The following CDRT4 variants were observed in gnomAD, a reference collection of about 807,000 sequenced individuals.
CDRT4 encodes CMT1A duplicated region transcript 4, also known as CMT1A duplicated region transcript 4 protein.
For missense variants in CDRT4, 167 were observed against 193.1 expected (o/e 0.87, Z 0.80); for synonymous variants, 64 against 69.6 (o/e 0.92, Z 0.40).
intron 2 of CDRT4, among the ~76,000 whole-genome samples, chr17:15,446,493 G>A (rs1979033932): frequency 6.6e-6 from 1 of 151,990 alleles, no homozygotes; most frequent in Non-Finnish European, 1.5e-5. Flanking sequence ...GGGAAAGAAG[G>A]CATCTCTCTC....
At chr17:15,461,771 A>G (rs1036221206) in intron 1 of CDRT4, among the ~76,000 whole-genome samples, 1 of 152,204 alleles carries the variant, frequency 6.6e-6, no homozygotes, top group Non-Finnish European at 1.5e-5. Context: ...TAGGCTATAT[A>G]TAAATATAGG....
intron 2 of CDRT4, chr17:15,444,007 T>A: frequency 1.3e-6 from 1 of 777,652 alleles, no homozygotes; most frequent in Admixed American, 2.0e-5. Context: ...AGGGTTTGGA[T>A]GAGACCAAGT....
intron 1 of CDRT4, among the ~76,000 whole-genome samples, chr17:15,461,366 A>G (rs911688427): frequency 6.6e-6 from 1 of 152,224 alleles, no homozygotes; most frequent in South Asian, 2.1e-4. Flanking sequence ...GCGGGCTGCC[A>G]CAAGGACAGG....
intron 2 of CDRT4, among the ~76,000 whole-genome samples, chr17:15,444,503 G>A (rs1978926849): frequency 6.6e-6 from 1 of 152,112 alleles, no homozygotes; most frequent in Admixed American, 6.6e-5. Flanking sequence ...TGCTGTTCTA[G>A]AATCTAAAAC....
chr17:15,465,768 G>A (rs1199495703), intron 1 of CDRT4, among the ~76,000 whole-genome samples: 1 of 152,220 alleles, frequency 6.6e-6, no homozygotes, highest in Admixed American at 6.5e-5. Context: ...CTTCCAATAT[G>A]GCAGCCAAGG....
chr17:15,438,313 C>G, intron 3 of CDRT4, 113 bp from the exon 4 acceptor site: 1 of 938,048 alleles, frequency 1.1e-6, no homozygotes, highest in Non-Finnish European at 1.6e-6. Context: ...CTATTTTGCA[C>G]CCCTTGTATT....
intron 1 of CDRT4, 30 bp from the exon 2 acceptor site, chr17:15,453,115 T>C (rs1979335745): frequency 6.6e-6 from 1 of 152,224 alleles, no homozygotes; most frequent in South Asian, 2.1e-4. Context: ...GAAGGTTAAC[T>C]GGCAACATTT....
chr17:15,451,400 C>CTTCTCCAAA (rs1979256100), intron 2 of CDRT4, among the ~76,000 whole-genome samples: 1 of 152,164 alleles, frequency 6.6e-6, no homozygotes, highest in Non-Finnish European at 1.5e-5. Flanking sequence ...CCTACAACTC[C>CTTCTCCAAA]TTCTCCAAAG....
chr17:15,457,093 G>A lies in CDRT4; in HGVS notation c.-129-4008C>T, dbSNP rs1035955891. Among the ~76,000 whole-genome samples, 9 of 152,086 alleles carry A rather than the reference G, an allele frequency of 5.9e-5. No individual in the cohort carries two copies. In the East Asian group the frequency reaches 1.5e-3, roughly 26 times the overall value. On this transcript the variant is annotated intron_variant, in intron 1 of 3. Coordinates refer to ENST00000619038, the MANE Select transcript of CDRT4 (RefSeq NM_001204477.2). ...TCGCGCTACTTTGCCTCTGTACCTC[G>A]GTTTCCTCCTGGGTAAAAATGAGGA...
intron 2 of CDRT4, among the ~76,000 whole-genome samples, chr17:15,447,267 A>G (rs1979068283): frequency 6.6e-6 from 1 of 152,232 alleles, no homozygotes; most frequent in Non-Finnish European, 1.5e-5. Flanking sequence ...AGGAGCTCAC[A>G]GCCCCATGAG....
At chr17:15,458,561 G>A (rs1219336812) in intron 1 of CDRT4, among the ~76,000 whole-genome samples, 2 of 152,156 alleles carry the variant, frequency 1.3e-5, no homozygotes, top group Admixed American at 6.5e-5. Context: ...ATTGTGAAGA[G>A]GCCCAAGAAA....
At position 15,446,189 on chromosome 17, in the gene CDRT4, C is replaced by A. The variant is rs151166582; in HGVS notation, c.-47-5904G>T. 3.4e-3 allele frequency among the ~76,000 whole-genome samples: 522 copies of A among 152,182 alleles called. 13 individuals carry two copies. Among genetic ancestry groups the A allele is most frequent in the Admixed American group, 0.029 (450 of 15,298 alleles). On this transcript the variant is annotated intron_variant, in intron 2 of 3. Transcript: ENST00000619038. Reference sequence around the variant, plus strand: ...CCACAAAACTGCCCATCTCACAGGACCAGCACATGTGCTGACTCCCTGAAC... The same window carrying A: ...CCACAAAACTGCCCATCTCACAGGAACAGCACATGTGCTGACTCCCTGAAC...
At chr17:15,463,871 G>T (rs1244971491) in intron 1 of CDRT4, among the ~76,000 whole-genome samples, 1 of 152,216 alleles carries the variant, frequency 6.6e-6, no homozygotes, top group Non-Finnish European at 1.5e-5. Context: ...CAAGGCTGGG[G>T]TCTGGCCAGG....
chr17:15,448,442 A>G (rs1979123641), intron 2 of CDRT4, among the ~76,000 whole-genome samples: 1 of 152,214 alleles, frequency 6.6e-6, no homozygotes, highest in Admixed American at 6.5e-5. Flanking sequence ...CAAAAGGTGT[A>G]GGGCTTTACT....
intron 2 of CDRT4, among the ~76,000 whole-genome samples, chr17:15,447,703 A>T (rs1351939083): frequency 1.3e-5 from 2 of 152,234 alleles, no homozygotes; most frequent in African/African-American, 4.8e-5. Context: ...CCCATTAAGC[A>T]TAAAACACAT....
At chr17:15,443,747 T>C (rs892150149) in intron 2 of CDRT4, 1 of 484,912 alleles carries the variant, frequency 2.1e-6, no homozygotes, top group African/African-American at 2.0e-5. Flanking sequence ...TTCAATCACA[T>C]CAGTGTAGAA....
intron 2 of CDRT4, chr17:15,443,961 G>A (rs1341452092): frequency 2.7e-5 from 19 of 695,934 alleles, no homozygotes; most frequent in Middle Eastern, 3.9e-4. Context: ...GTCTCCTGTC[G>A]AAATCCAAAA....
At chr17:15,462,711 G>C (rs1268745333) in intron 1 of CDRT4, among the ~76,000 whole-genome samples, 8 of 152,154 alleles carry the variant, frequency 5.3e-5, no homozygotes, top group African/African-American at 1.2e-4. Context: ...TTTACATAAA[G>C]TTCAAAAACA....
intron 2 of CDRT4, chr17:15,452,589 T>G (rs1448941627): frequency 6.6e-6 from 1 of 152,290 alleles, no homozygotes; most frequent in Non-Finnish European, 1.5e-5. Flanking sequence ...TTCTGTATGT[T>G]GTTAACGGAT....
Sources: allele counts gnomAD v4.1 joint callset (sites outside exome capture counted in the v4.1 genomes callset), GRCh38; gene constraint gnomAD v4.1.1; transcripts MANE v1.5; gene names NCBI Gene and HGNC (gene_info 2026-07-23, HGNC 2026-07-21).